ITM2C: variants seen among roughly 807,000 people sequenced by gnomAD.
ITM2C encodes integral membrane protein 2C.
ITM2C carries 20 observed loss-of-function variants against 30.0 expected under a neutral mutation model. The observed-to-expected ratio is 0.67, with a 90% CI of 0.47 to 0.97. ITM2C has a LOEUF of 0.97. Ranked by LOEUF, ITM2C falls within the 50% of genes least tolerant of loss-of-function variation. The pLI, the probability that ITM2C is intolerant of heterozygous loss-of-function variation, is 0.00. For synonymous variants in ITM2C, 167 were observed against 156.4 expected, an observed-to-expected ratio of 1.07 and a Z score of -0.51; for missense variants, 366 against 371.9, an observed-to-expected ratio of 0.98 and a Z score of 0.13.
At position 230,877,253 on chromosome 2, in the gene ITM2C, C is replaced by T; in HGVS notation, c.562-147C>T. 1 of 770,898 alleles carries T rather than the reference C, an allele frequency of 1.3e-6. No individual in the cohort carries two copies. The highest frequency in any genetic ancestry group is 2.6e-5 in the East Asian group (1 of 38,136). The allele number at this position is 770,898 out of a possible 1,614,324, so 47.8% of individuals were successfully genotyped here. On this transcript the variant is annotated intron_variant, in intron 4 of 5. Coordinates refer to ENST00000326427, the MANE Select transcript of ITM2C (RefSeq NM_030926.6). The surrounding 1 kb of genome is among the most constrained non-coding windows in gnomAD (Gnocchi z 4.8). ...TTGCTCCTGGCAGCACAGGTGCAGG[C>T]ACCGGGCACAGGCAGGAAGTGCCTG...
intron 1 of ITM2C, among the ~76,000 whole-genome samples, chr2:230,869,123 C>T (rs2125015833): frequency 6.6e-6 from 1 of 152,316 alleles, no homozygotes; most frequent in South Asian, 2.1e-4. Context: ...CCCCTCTGTC[C>T]ACCGCCCCAC....
rs530470805 is a variant in ITM2C at position 230,877,150 on chromosome 2, T to C, written c.561+183T>C. 6.6e-6 allele frequency among the ~76,000 whole-genome samples: 1 copy of C among 152,192 alleles called. No homozygotes were observed. The highest frequency in any genetic ancestry group is 2.1e-4 in the South Asian group (1 of 4,818). On this transcript the variant is annotated intron_variant, in intron 4 of 5. Coordinates refer to ENST00000326427, the MANE Select transcript of ITM2C (RefSeq NM_030926.6). This position sits in a 1 kb window ranked among gnomAD's most constrained non-coding sequence, Gnocchi z 4.8. Reference sequence around the variant, plus strand: ...CCTCTGCTATCCCCCTGCTTCCACATCTCCAGAGTCAATGCCCCGAGACCG... The same window carrying C: ...CCTCTGCTATCCCCCTGCTTCCACACCTCCAGAGTCAATGCCCCGAGACCG...
intron 1 of ITM2C, among the ~76,000 whole-genome samples, chr2:230,871,835 G>A (rs1007888850): frequency 7.9e-5 from 12 of 152,224 alleles, no homozygotes; most frequent in African/African-American, 2.9e-4. Flanking sequence ...CCTAAGCAGG[G>A]CGGGTCAGAC....
intron 1 of ITM2C, among the ~76,000 whole-genome samples, chr2:230,868,608 G>T (rs182972431): frequency 3.3e-5 from 5 of 152,180 alleles, no homozygotes; most frequent in African/African-American, 1.2e-4. Context: ...CTTGGCATTT[G>T]CCTTTGATTA....
intron 1 of ITM2C, among the ~76,000 whole-genome samples, chr2:230,866,063 G>A (rs555080210): frequency 6.6e-6 from 1 of 152,284 alleles, no homozygotes; most frequent in Non-Finnish European, 1.5e-5. Context: ...TGAGCTGCGT[G>A]CCTTGTGTCC....
chr2:230,871,648 G>A (rs559023164), intron 1 of ITM2C, among the ~76,000 whole-genome samples: 186 of 152,372 alleles, frequency 1.2e-3, no homozygotes, highest in South Asian at 2.3e-3. Flanking sequence ...GGGCCAGGCA[G>A]TGCGGGCAGT....
intron 1 of ITM2C, among the ~76,000 whole-genome samples, chr2:230,868,943 GGCTTCTCTGCTTTCCTGCC>G: frequency 6.6e-6 from 1 of 152,368 alleles, no homozygotes; most frequent in Non-Finnish European, 1.5e-5. Flanking sequence ...GCCCCACGGT[GGCTTCTCTGCTTTCCTGCC>G]GCTTCTCTCT....
intron 1 of ITM2C, among the ~76,000 whole-genome samples, chr2:230,869,082 T>C (rs1697101576): frequency 6.6e-6 from 1 of 152,212 alleles, no homozygotes; most frequent in African/African-American, 2.4e-5. Flanking sequence ...AAAATGTTTA[T>C]GGTGAAATCA....
At position 230,877,682 on chromosome 2, in the gene ITM2C, G is replaced by C; in HGVS notation, c.712+132G>C. 1.1e-6 allele frequency: 1 copy of C among 937,444 alleles called. No individual in the cohort carries two copies. Among genetic ancestry groups the C allele is most frequent in the Non-Finnish European group, 1.6e-6 (1 of 616,560 alleles). 58.1% of individuals were successfully genotyped at this position (937,444 alleles called of 1,614,324 possible). ...CAGCTAGCATTAGCAGAGCACTTCC[G>C]TGTGCCGGGCAATGCTGTGTGCTCT... On this transcript the variant is annotated intron_variant, in intron 5 of 5. Coordinates refer to ENST00000326427, the MANE Select transcript of ITM2C (RefSeq NM_030926.6). The surrounding 1 kb of genome is among the most constrained non-coding windows in gnomAD (Gnocchi z 4.8).
At chr2:230,868,989 G>A (rs559834983) in intron 1 of ITM2C, among the ~76,000 whole-genome samples, 5 of 152,310 alleles carry the variant, frequency 3.3e-5, no homozygotes, top group African/African-American at 9.6e-5. Context: ...CCTCATTTCT[G>A]CTCTCTTCTC....
rs560313566 is a variant in ITM2C at position 230,875,748 on chromosome 2, C to T, written c.390C>T (p.Asn130=). The part of the protein sequence containing the change: ...IYLDENYERI[N]VPVPQFGGGD... ...TCGACGAGAACTACGAGCGCATCAA[C>T]GTGCCTGTGCCCCAGTTTGGCGGCG... The change falls in exon 3 of 6, where the codon AAC becomes AAT. Residue 130 remains asparagine (N), a synonymous_variant. Transcript: ENST00000326427. 2.4e-5 allele frequency: 38 copies of T among 1,611,792 alleles called. No individual in the cohort carries two copies. The highest frequency in any genetic ancestry group is 4.4e-5 in the South Asian group (4 of 91,012).
chr2:230,873,322 C>T (rs1462582055), intron 1 of ITM2C, 95 bp from the exon 2 acceptor site: 1 of 1,295,720 alleles, frequency 7.7e-7, no homozygotes, highest in Non-Finnish European at 1.0e-6. Context: ...AAGACTCCCT[C>T]CGGGCCCAGC....
intron 1 of ITM2C, among the ~76,000 whole-genome samples, chr2:230,867,286 A>C (rs1238547601): frequency 6.6e-6 from 1 of 152,208 alleles, no homozygotes; most frequent in Non-Finnish European, 1.5e-5. Flanking sequence ...AGGTGTTGCA[A>C]GTTGGCTCTG....
At chr2:230,867,005 T>C (rs1177725727) in intron 1 of ITM2C, among the ~76,000 whole-genome samples, 2 of 152,170 alleles carry the variant, frequency 1.3e-5, no homozygotes, top group African/African-American at 4.8e-5. Flanking sequence ...GGCTCTGAAA[T>C]TGAGCGTCCT....
At chr2:230,871,757 G>A (rs1697171103) in intron 1 of ITM2C, among the ~76,000 whole-genome samples, 1 of 152,234 alleles carries the variant, frequency 6.6e-6, no homozygotes, top group South Asian at 2.1e-4. Flanking sequence ...AGGATGCTGG[G>A]GGCCTGCTGA....
In ITM2C at chr2:230,876,971, C is replaced by A; in HGVS notation, c.561+4C>A. ...GGAGCTCCTCATGAACGTGAAGGTG[C>A]GCAGGGGGTTGGGGGGATGTCTGCA... On this transcript the variant is annotated splice_donor_region_variant and intron_variant, in intron 4 of 5. Transcript: ENST00000326427. The A allele has an allele frequency of 1.3e-6, 2 of 1,592,354 alleles. No homozygotes were observed. Among genetic ancestry groups the A allele is most frequent in the Non-Finnish European group, 1.7e-6 (2 of 1,160,408 alleles).
chr2:230,868,894 A>C (rs565146880), intron 1 of ITM2C, among the ~76,000 whole-genome samples: 1 of 152,240 alleles, frequency 6.6e-6, no homozygotes, highest in East Asian at 1.9e-4. Flanking sequence ...GGGGACTTTC[A>C]TGGCTGTCGT....
At chr2:230,868,531 G>A (rs1294440200) in intron 1 of ITM2C, among the ~76,000 whole-genome samples, 3 of 152,144 alleles carry the variant, frequency 2.0e-5, no homozygotes, top group African/African-American at 4.8e-5. Flanking sequence ...AGAGGCTCAC[G>A]AGCTGGGGCT....
intron 1 of ITM2C, among the ~76,000 whole-genome samples, chr2:230,867,408 C>T (rs1697053975): frequency 6.6e-6 from 1 of 152,204 alleles, no homozygotes; most frequent in African/African-American, 2.4e-5. Context: ...TGGCAAGGAG[C>T]CAGGCCTCGT....
Sources: allele counts gnomAD v4.1 joint callset (sites outside exome capture counted in the v4.1 genomes callset), GRCh38; gene constraint gnomAD v4.1.1; non-coding constraint Gnocchi (gnomAD v3.1); transcripts MANE v1.5; gene names NCBI Gene and HGNC (gene_info 2026-07-23, HGNC 2026-07-21).